The following DMD variants were observed in gnomAD, a reference collection of about 807,000 sequenced individuals.
DMD encodes mutant dystrophin.
A neutral mutation model predicts 330.1 loss-of-function variants in DMD; 63 were observed. The ratio of observed to expected loss-of-function variants is 0.19; its 90% CI spans 0.16 to 0.24. DMD has a LOEUF of 0.24. Ranked by LOEUF, DMD falls within the 10% of genes least tolerant of loss-of-function variation. The probability of loss-of-function intolerance (pLI) is 1.00; values close to 1 mark genes in which losing one functional copy is unlikely to be tolerated. For synonymous variants in DMD, 1,223 were observed against 959.8 expected (o/e 1.27, Z -5.07); for missense variants, 3,344 against 2,684.1 (o/e 1.25, Z -5.43).
At chrX:31,930,842 A>T (rs749251574) in intron 46 of DMD, among the ~76,000 whole-genome samples, 13 of 112,430 alleles carry the variant, frequency 1.2e-4, no homozygotes, top group Non-Finnish European at 2.1e-4. Context: ...TTTGGGAAAG[A>T]TAAATTTCCA....
At chrX:32,663,402 TA>T (rs944272066) in intron 9 of DMD, among the ~76,000 whole-genome samples, 4 of 111,849 alleles carry the variant, frequency 3.6e-5, no homozygotes, top group Middle Eastern at 4.2e-3. Flanking sequence ...GAACAAATAA[TA>T]AAAAAACTTC....
chrX:32,929,207 G>A (rs2089367074), intron 2 of DMD, among the ~76,000 whole-genome samples: 1 of 110,811 alleles, frequency 9.0e-6, no homozygotes, highest in East Asian at 2.8e-4. Flanking sequence ...AATTGGAGAC[G>A]TTCTGTAGGT....
intron 44 of DMD, among the ~76,000 whole-genome samples, chrX:32,048,068 A>G (rs959594346): frequency 9.6e-6 from 1 of 104,080 alleles, no homozygotes; most frequent in Admixed American, 1.1e-4. Flanking sequence ...AAATAATAAT[A>G]AAAACGATAA....
chrX:32,421,952 C>T (rs2098191677), intron 29 of DMD, among the ~76,000 whole-genome samples: 1 of 111,364 alleles, frequency 9.0e-6, no homozygotes, highest in Admixed American at 9.6e-5. Context: ...TAATGAGGAT[C>T]CTAGTGATGC....
chrX:32,797,511 A>G (rs1454642577), intron 7 of DMD, among the ~76,000 whole-genome samples: 2 of 112,684 alleles, frequency 1.8e-5, no homozygotes, highest in Admixed American at 1.9e-4. Context: ...GACAAGAAAC[A>G]CAGATATCAA....
intron 7 of DMD, among the ~76,000 whole-genome samples, chrX:32,740,136 C>T (rs371757437): frequency 2.8e-5 from 3 of 109,017 alleles, no homozygotes; most frequent in East Asian, 5.9e-4. Flanking sequence ...TGTGCTTTCA[C>T]ATGTTCTCTT....
chrX:31,121,513 T>C lies in DMD; in HGVS notation c.*406A>G, dbSNP rs1227453761. 1 of 201,143 alleles carries C rather than the reference T, an allele frequency of 5.0e-6. No homozygotes were observed. 16.6% of individuals were successfully genotyped at this position (201,143 alleles called of 1,213,427 possible). On this transcript the variant is annotated 3_prime_UTR_variant, in exon 79 of 79. Transcript: ENST00000357033. ...CAACTTTTTTTTATAAAGCACACTT[T>C]AGTTTACAATCTTTCTTTATAACTG...
intron 59 of DMD, among the ~76,000 whole-genome samples, chrX:31,471,010 T>C (rs1233148274): frequency 1.8e-5 from 2 of 111,479 alleles, no homozygotes; most frequent in Admixed American, 9.5e-5. Context: ...ACACTAAGCT[T>C]GAGTATCCCA....
intron 2 of DMD, among the ~76,000 whole-genome samples, chrX:32,909,899 C>A (rs935904463): frequency 8.9e-6 from 1 of 111,896 alleles, no homozygotes; most frequent in Non-Finnish European, 1.9e-5. Flanking sequence ...ATTCTCTAAT[C>A]CTGCCATCCA....
intron 51 of DMD, among the ~76,000 whole-genome samples, chrX:31,761,701 C>T (rs764684837): frequency 1.3e-3 from 148 of 112,075 alleles, no homozygotes; most frequent in African/African-American, 4.7e-3. Context: ...TTCTCTTTCT[C>T]CAACATAAAA....
At chrX:31,629,694 G>C (rs1363292411) in intron 54 of DMD, among the ~76,000 whole-genome samples, 3 of 111,290 alleles carry the variant, frequency 2.7e-5, no homozygotes, top group African/African-American at 9.8e-5. Context: ...TATCATGCTT[G>C]AAAAATTCAG....
At chrX:31,510,383 T>A in intron 55 of DMD, among the ~76,000 whole-genome samples, 1 of 111,197 alleles carries the variant, frequency 9.0e-6, no homozygotes, top group Non-Finnish European at 1.9e-5. Context: ...AGATACTACT[T>A]GCAAGAGGAA....
chrX:32,636,976 A>T (rs764603519), intron 11 of DMD, among the ~76,000 whole-genome samples: 67 of 109,602 alleles, frequency 6.1e-4, no homozygotes, highest in Non-Finnish European at 3.8e-4. Flanking sequence ...CCAGCCTGGG[A>T]GACAGGGAGA....
At chrX:31,621,818 C>A (rs1020403160) in intron 55 of DMD, among the ~76,000 whole-genome samples, 8 of 111,849 alleles carry the variant, frequency 7.2e-5, no homozygotes, top group Admixed American at 2.8e-4. Context: ...CAGCCAAGTT[C>A]CTTCAGATTC....
intron 47 of DMD, among the ~76,000 whole-genome samples, chrX:31,925,059 C>CTA (rs1569514081): frequency 8.9e-6 from 1 of 111,987 alleles, no homozygotes; most frequent in Non-Finnish European, 1.9e-5. Context: ...ACATGTTTTG[C>CTA]TATATTACAC....
At chrX:32,938,987 T>A (rs2146787898) in intron 2 of DMD, among the ~76,000 whole-genome samples, 1 of 110,596 alleles carries the variant, frequency 9.0e-6, no homozygotes, top group East Asian at 2.8e-4. Context: ...GCAAGAAAAG[T>A]CATCATGTGC....
chrX:33,282,910 C>T (rs911838529), intron 1 of DMD, among the ~76,000 whole-genome samples: 2 of 111,875 alleles, frequency 1.8e-5, no homozygotes, highest in Admixed American at 9.5e-5. Context: ...TCCTCTAGCG[C>T]GAGGCTCTCA....
At position 32,371,556 on chromosome X, in the gene DMD, A is replaced by G. The variant is rs183219087; in HGVS notation, c.4846-6357T>C. ...TCTTTGATGCTTAAAACAAAATTAG[A>G]AATAAAATGTTAGTGATTAAATCAG... is the stretch of plus-strand genomic sequence containing the variant. On this transcript the variant is annotated intron_variant, in intron 34 of 78. Coordinates refer to ENST00000357033, the MANE Select transcript of DMD (RefSeq NM_004006.3). Among the ~76,000 whole-genome samples the G allele has an allele frequency of 1.4e-4, 16 of 111,731 alleles. No individual in the cohort carries two copies. The East Asian group carries it at 2.0e-3, about 14-fold the overall frequency.
At chrX:33,307,322 CTTTT>C (rs2053777502) in intron 1 of DMD, among the ~76,000 whole-genome samples, 1 of 111,880 alleles carries the variant, frequency 8.9e-6, no homozygotes, top group African/African-American at 3.2e-5. Flanking sequence ...CAGATTATAT[CTTTT>C]TTAATTTTGT....
Sources: gnomAD v4.1 joint callset for allele counts (sites outside exome capture counted in the v4.1 genomes callset) on GRCh38, gnomAD v4.1.1 for gene constraint, MANE v1.5 for transcripts, NCBI Gene and HGNC (gene_info 2026-07-23, HGNC 2026-07-21) for gene names.